The following SPEG variants were observed in gnomAD, a reference collection of about 807,000 sequenced individuals.
SPEG encodes the protein striated muscle enriched protein kinase.
Under a neutral mutation model 300.4 loss-of-function variants are expected in SPEG, and 114 were observed. The ratio of observed to expected loss-of-function variants is 0.38; its 90% CI spans 0.33 to 0.44. The LOEUF (loss-of-function observed/expected upper bound fraction) is 0.44, where lower values mean the gene tolerates loss of function less well. Ranked by LOEUF, SPEG falls within the 20% of genes least tolerant of loss-of-function variation. The probability of loss-of-function intolerance (pLI) is 1.00; values close to 1 mark genes in which losing one functional copy is unlikely to be tolerated. For missense variants in SPEG, 4,201 were observed against 4,586.2 expected (o/e 0.92, Z 2.43); for synonymous variants, 1,964 against 2,018.9 (o/e 0.97, Z 0.73).
At position 219,479,935 on chromosome 2, in the gene SPEG, C is replaced by T. The variant is rs1692680463; in HGVS notation, c.5164-27C>T. ...AAGCATCCTTCCTTGTTCATTTGGC[C>T]CGCACACCTCGCCTTGTGTCTTCCA... On this transcript the variant is annotated intron_variant, in intron 24 of 40. Coordinates refer to ENST00000312358, the MANE Select transcript of SPEG (RefSeq NM_005876.5). This position sits in a 1 kb window ranked among gnomAD's most constrained non-coding sequence, Gnocchi z 5.5. 1.2e-6 allele frequency: 2 copies of T among 1,614,150 alleles called. No homozygotes were observed. Among genetic ancestry groups the T allele is most frequent in the East Asian group, 2.2e-5 (1 of 44,890 alleles).
intron 1 of SPEG, chr2:219,441,902 C>G (rs1688941039): frequency 4.6e-6 from 1 of 216,450 alleles, no homozygotes; most frequent in Non-Finnish European, 9.0e-6. Context: ...CGCCTTACCC[C>G]CACCCGGCTC....
intron 6 of SPEG, among the ~76,000 whole-genome samples, chr2:219,455,000 A>G (rs867029422): frequency 1.3e-5 from 2 of 152,374 alleles, no homozygotes; most frequent in South Asian, 4.1e-4. Flanking sequence ...GGGCTGAAAC[A>G]GGAGAATCAC....
In SPEG at chr2:219,489,054, G is replaced by T; in HGVS notation, c.8150G>T (p.Gly2717Val). 6.2e-7 allele frequency: 1 copy of T among 1,613,728 alleles called. No homozygotes were observed. Among genetic ancestry groups the T allele is most frequent in the South Asian group, 1.1e-5 (1 of 91,082 alleles). The change falls in exon 35 of 41, where the codon GGG (glycine) becomes GTG (valine). Residue 2717 changes from glycine (G) to valine (V), a missense_variant and splice_region_variant. Around this residue, in one of 4 missense-constraint regions of SPEG, gnomAD observed 1,578 missense variants for 1,506.0 expected, o/e 1.05. Coordinates refer to ENST00000312358, the MANE Select transcript of SPEG (RefSeq NM_005876.5). Reference sequence around the variant, plus strand: ...AGCCCCTCCCCCATACTGCCTATAGGGGAGTCTGTGTGGCACCCTGTGAGC... The same window carrying T: ...AGCCCCTCCCCCATACTGCCTATAGTGGAGTCTGTGTGGCACCCTGTGAGC... ...CTYTLERRVD[G>V]ESVWHPVSSG...
rs1314454951 is a variant in SPEG, at chr2:219,471,988, G to A, written c.3835+1G>A. ...TGCTATGCCCACCTGTATGTCACAG[G>A]TGAGGCAGGCACCCTCGTGGTCAGC... On this transcript the variant is annotated splice_donor_variant, in intron 14 of 40. Transcript: ENST00000312358. LOFTEE classifies it high-confidence loss of function. 2 of 1,611,774 alleles carry A rather than the reference G, an allele frequency of 1.2e-6. No homozygotes were observed. The highest frequency in any genetic ancestry group is 3.3e-5 in the Admixed American group (2 of 60,006).
chr2:219,470,791 T>C (rs1043375323), intron 13 of SPEG, among the ~76,000 whole-genome samples: 1 of 152,190 alleles, frequency 6.6e-6, no homozygotes, highest in East Asian at 1.9e-4. Flanking sequence ...CCGTGGGACC[T>C]TGAACAAGTC....
chr2:219,477,076 G>C lies in SPEG; in HGVS notation c.4560+94G>C. On this transcript the variant is annotated intron_variant, in intron 19 of 40. Transcript: ENST00000312358. The surrounding 1 kb of genome is among the most constrained non-coding windows in gnomAD (Gnocchi z 6.4). ...GGAAGGCCTTAGGAGGGCGGAGCCC[G>C]GGCAGAGGCGTGGTTAGGAGGAGGA... 2 of 1,184,292 alleles carry C rather than the reference G, an allele frequency of 1.7e-6. No homozygotes were observed. The highest frequency in any genetic ancestry group is 2.4e-6 in the Non-Finnish European group (2 of 842,882). 73.4% of individuals were successfully genotyped at this position (1,184,292 alleles called of 1,614,324 possible).
chr2:219,454,196 G>A (rs1013032559), intron 6 of SPEG, among the ~76,000 whole-genome samples: 5 of 152,208 alleles, frequency 3.3e-5, no homozygotes, highest in Non-Finnish European at 7.3e-5. Flanking sequence ...CTGGTTGGGA[G>A]CCATGGTAAC....
chr2:219,489,310 C>T (rs377138072), intron 35 of SPEG, 26 bp from the exon 36 acceptor site: 53 of 1,613,356 alleles, frequency 3.3e-5, no homozygotes, highest in East Asian at 6.7e-5. Flanking sequence ...CAAGGCACCA[C>T]GGTGATGATT....
Position 219,477,213 on chromosome 2 carries a change from A to ACAGC in SPEG, c.4561-64_4561-63insCAGC. 7.0e-7 allele frequency: 1 copy of ACAGC among 1,429,106 alleles called. No homozygotes were observed. Among genetic ancestry groups the ACAGC allele is most frequent in the Non-Finnish European group, 9.4e-7 (1 of 1,059,870 alleles). 88.5% of individuals were successfully genotyped at this position (1,429,106 alleles called of 1,614,324 possible). Reference sequence around the variant, plus strand: ...GATGCGCTGCCCAGAGTAGGAGATGAGGCCCTGGCCCCAAGGTAGAGATGA... The same window carrying ACAGC: ...GATGCGCTGCCCAGAGTAGGAGATGACAGCGGCCCTGGCCCCAAGGTAGAGATGA... On this transcript the variant is annotated intron_variant, in intron 19 of 40. Transcript: ENST00000312358. This position sits in a 1 kb window ranked among gnomAD's most constrained non-coding sequence, Gnocchi z 6.4.
intron 6 of SPEG, among the ~76,000 whole-genome samples, chr2:219,457,437 G>T (rs1690277739): frequency 6.6e-6 from 1 of 152,262 alleles, no homozygotes; most frequent in South Asian, 2.1e-4. Context: ...ACAAAAATTA[G>T]CCAGGTGTGG....
Position 219,477,853 on chromosome 2 carries a change from G to A in SPEG, c.4827-52G>A, listed in dbSNP as rs752634472. The A allele has an allele frequency of 5.0e-6, 8 of 1,600,746 alleles. No homozygotes were observed. The highest frequency in any genetic ancestry group is 6.8e-6 in the Non-Finnish European group (8 of 1,169,712). Reference sequence around the variant, plus strand: ...GCTGGGTCTGAGGGTTGGGAGGGGTGGAGAGGGCCACAGTGATGGCTGATC... The same window carrying A: ...GCTGGGTCTGAGGGTTGGGAGGGGTAGAGAGGGCCACAGTGATGGCTGATC... On this transcript the variant is annotated intron_variant, in intron 21 of 40. Transcript: ENST00000312358. This position sits in a 1 kb window ranked among gnomAD's most constrained non-coding sequence, Gnocchi z 6.4.
chr2:219,477,533 C>A lies in SPEG; in HGVS notation c.4729+88C>A. 2.8e-6 allele frequency: 4 copies of A among 1,453,086 alleles called. No individual in the cohort carries two copies. The highest frequency in any genetic ancestry group is 3.7e-6 in the Non-Finnish European group (4 of 1,085,656). 90.0% of individuals were successfully genotyped at this position (1,453,086 alleles called of 1,614,324 possible). On this transcript the variant is annotated intron_variant, in intron 20 of 40. Coordinates refer to ENST00000312358, the MANE Select transcript of SPEG (RefSeq NM_005876.5). This position sits in a 1 kb window ranked among gnomAD's most constrained non-coding sequence, Gnocchi z 6.4. ...TGCTCTGCCCAGGAAGCAGCCAGCC[C>A]TGGACTCGAGCCACCACACCCCCAG...
chr2:219,467,836 G>C (rs773907025), intron 10 of SPEG, among the ~76,000 whole-genome samples: 1 of 152,242 alleles, frequency 6.6e-6, no homozygotes, highest in Non-Finnish European at 1.5e-5. Context: ...TTTATGTGAA[G>C]AACAAAGCAC....
chr2:219,476,264 A>G (rs563848088), intron 18 of SPEG, among the ~76,000 whole-genome samples: 1 of 152,258 alleles, frequency 6.6e-6, no homozygotes, highest in South Asian at 2.1e-4. Flanking sequence ...CATCTCCCAG[A>G]TGCTATTAAT....
chr2:219,480,558 T>C lies in SPEG; in HGVS notation c.5343-113T>C, dbSNP rs2125534921. ...AAGCCACTCCTGTGCCCATTGTCCA[T>C]GGCAGTGTTCCCAGGGAGGTAACAG... On this transcript the variant is annotated intron_variant, in intron 25 of 40. Transcript: ENST00000312358. This position sits in a 1 kb window ranked among gnomAD's most constrained non-coding sequence, Gnocchi z 5.3. The C allele has an allele frequency of 9.3e-7, 1 of 1,080,466 alleles. No homozygotes were observed. Among genetic ancestry groups the C allele is most frequent in the East Asian group, 2.4e-5 (1 of 42,422 alleles). The allele number at this position is 1,080,466 out of a possible 1,614,324, so 66.9% of individuals were successfully genotyped here.
Position 219,491,789 on chromosome 2 carries a change from G to A in SPEG, c.9386-5G>A. 1 of 1,612,788 alleles carries A rather than the reference G, an allele frequency of 6.2e-7. No homozygotes were observed. The highest frequency in any genetic ancestry group is 8.5e-7 in the Non-Finnish European group (1 of 1,179,722). On this transcript the variant is annotated splice_polypyrimidine_tract_variant and splice_region_variant and intron_variant, in intron 38 of 40. Coordinates refer to ENST00000312358, the MANE Select transcript of SPEG (RefSeq NM_005876.5). Reference sequence around the variant, plus strand: ...TGGGTCAGCTTGGCCTCTGTCTCCTGTCAGCTCCGGAGATGGTGAAGGGAG... The same window carrying A: ...TGGGTCAGCTTGGCCTCTGTCTCCTATCAGCTCCGGAGATGGTGAAGGGAG...
At position 219,452,482 on chromosome 2, in the gene SPEG, G is replaced by A. The variant is rs569752803; in HGVS notation, c.2440+675G>A. Among the ~76,000 whole-genome samples, 22 of 152,302 alleles carry A rather than the reference G, an allele frequency of 1.4e-4. 2 individuals are homozygous for A. The highest frequency in any genetic ancestry group is 5.3e-4 in the African/African-American group (22 of 41,562). On this transcript the variant is annotated intron_variant, in intron 6 of 40. Coordinates refer to ENST00000312358, the MANE Select transcript of SPEG (RefSeq NM_005876.5). The stretch of plus-strand genomic sequence containing the variant: ...CAGTTCAGCTCATTCAGCTTGCGGG[G>A]CCTGACAATGCACTGACCCCGGGCC...
rs1689508743 is a variant in SPEG, at chr2:219,448,716, A to G, written c.1558A>G (p.Thr520Ala). The G allele has an allele frequency of 6.0e-6, 9 of 1,492,814 alleles. No individual in the cohort carries two copies. The highest frequency in any genetic ancestry group is 6.2e-6 in the Non-Finnish European group (7 of 1,129,262). 92.5% of individuals were successfully genotyped at this position (1,492,814 alleles called of 1,614,324 possible). Residue 520 changes from threonine (T) to alanine (A), a missense_variant, in exon 4 of 41, where the codon ACG becomes GCG. Physicochemically the swap from Thr to Ala is moderately conservative, Grantham distance 58. This residue lies in a region of SPEG where 1,258 missense variants were observed against 1,293.9 expected (regional missense o/e 0.97). Transcript: ENST00000312358. ...LVRSHESLRA[T>A]LQRAPSPREP... ...GCGCTCGCACGAGTCCCTGCGCGCC[A>G]CGCTGCAGCGTGCCCCATCCCCTCG...
chr2:219,446,366 G>A (rs993908193), intron 3 of SPEG, among the ~76,000 whole-genome samples: 15 of 152,250 alleles, frequency 9.9e-5, no homozygotes, highest in South Asian at 4.1e-4. Context: ...CAGAGCTGCC[G>A]GCAAGAGGCC....
Sources: allele counts gnomAD v4.1 joint callset (sites outside exome capture counted in the v4.1 genomes callset), GRCh38; gene constraint gnomAD v4.1.1; regional missense constraint gnomAD v4.1.1; non-coding constraint Gnocchi (gnomAD v3.1); transcripts MANE v1.5; gene names NCBI Gene and HGNC (gene_info 2026-07-23, HGNC 2026-07-21).